PCF11: variants seen among roughly 807,000 people sequenced by gnomAD.
The protein encoded by PCF11 is pre-mRNA cleavage complex 2 protein Pcf11.
In PCF11, 19 loss-of-function variants were observed where a neutral mutation model predicts 166.1. That is an observed-to-expected ratio of 0.11 (90% CI 0.08 to 0.17). The LOEUF (loss-of-function observed/expected upper bound fraction) is 0.17, where lower values mean the gene tolerates loss of function less well. PCF11 is among the 10% of genes least tolerant of loss of function. The pLI, the probability that PCF11 is intolerant of heterozygous loss-of-function variation, is 1.00. For synonymous variants in PCF11, 663 were observed against 644.1 expected, an observed-to-expected ratio of 1.03 and a Z score of -0.44; for missense variants, 1,565 against 1,855.5, an observed-to-expected ratio of 0.84 and a Z score of 2.88.
rs559403475 is a variant in PCF11 at position 83,172,526 on chromosome 11, G to T, written c.3757+612G>T. 5.9e-5 allele frequency among the ~76,000 whole-genome samples: 9 copies of T among 152,170 alleles called. No individual in the cohort carries two copies. In the East Asian group the frequency reaches 1.7e-3, roughly 29 times the overall value. ...CAGCCTCTGCCTCCGGGGTTCAAGC[G>T]ATTCTCCTGTCTCAGCCTCCCAAGT... On this transcript the variant is annotated intron_variant, in intron 9 of 15. Coordinates refer to ENST00000298281, the Ensembl canonical transcript of PCF11.
At chr11:83,185,768 C>T (rs1196159142) in exon 16 of PCF11, 1 of 152,574 alleles carries the variant, frequency 6.6e-6, no homozygotes, top group Non-Finnish European at 1.5e-5. Context: ...AATATTCATA[C>T]ATGTAATAAA....
chr11:83,175,142 C>CT (rs1010531103), intron 9 of PCF11, among the ~76,000 whole-genome samples: 3 of 151,706 alleles, frequency 2.0e-5, no homozygotes, highest in African/African-American at 7.3e-5. Flanking sequence ...ATATTGTTTT[C>CT]TTTTTTTTGA....
exon 4 of PCF11, chr11:83,164,254 C>G: frequency 6.2e-7 from 1 of 1,613,736 alleles, no homozygotes; most frequent in Non-Finnish European, 8.5e-7. Context: ...CCCCTAGCAT[C>G]TCCACTCCTC....
chr11:83,175,272 C>T (rs1245941494), intron 9 of PCF11, among the ~76,000 whole-genome samples: 1 of 152,144 alleles, frequency 6.6e-6, no homozygotes, highest in African/African-American at 2.4e-5. Flanking sequence ...AGCTGGATTA[C>T]AGGCATGGGC....
intron 1 of PCF11, among the ~76,000 whole-genome samples, chr11:83,159,623 T>C (rs917928456): frequency 3.9e-5 from 6 of 152,230 alleles, no homozygotes; most frequent in African/African-American, 1.2e-4. Flanking sequence ...GTTTCCTGGT[T>C]ATTTTTGTAA....
At chr11:83,172,745 T>C (rs2135433537) in intron 9 of PCF11, among the ~76,000 whole-genome samples, 1 of 152,292 alleles carries the variant, frequency 6.6e-6, no homozygotes, top group Admixed American at 6.5e-5. Flanking sequence ...TATGTGGTAA[T>C]AGGGAAGTAC....
intron 1 of PCF11, chr11:83,158,411 C>G (rs1860084914): frequency 6.6e-6 from 1 of 152,188 alleles, no homozygotes; most frequent in Admixed American, 6.5e-5. Flanking sequence ...CTTGCAGTTT[C>G]TCTGAAAAGT....
intron 11 of PCF11, among the ~76,000 whole-genome samples, chr11:83,179,578 T>G (rs372074909): frequency 6.6e-6 from 1 of 152,112 alleles, no homozygotes; most frequent in African/African-American, 2.4e-5. Context: ...TTTCTTGATT[T>G]ACCACATCTG....
exon 14 of PCF11, chr11:83,182,474 A>G (rs756858396): frequency 4.0e-6 from 6 of 1,504,234 alleles, no homozygotes; most frequent in East Asian, 2.3e-5. Context: ...GAAAAATGCT[A>G]TTAGAGTAGA....
At chr11:83,169,028 C>T (rs746778670) in exon 8 of PCF11, 23 of 1,613,740 alleles carry the variant, frequency 1.4e-5, no homozygotes, top group East Asian at 4.5e-5. Flanking sequence ...CATGGTCAGC[C>T]TGTGGGTGGA....
intron 1 of PCF11, chr11:83,157,894 C>T (rs554623725): frequency 2.0e-5 from 10 of 507,370 alleles, no homozygotes; most frequent in Admixed American, 3.3e-5. Context: ...TATCCCGACA[C>T]ACACACGCTT....
rs58011200 is a variant in PCF11, at chr11:83,182,135, C to T, written c.4323+126C>T. 0.019 allele frequency: 15,596 copies of T among 835,402 alleles called. 1,729 individuals are homozygous for T. The African/African-American group carries it at 0.24, about 13-fold the overall frequency. 51.7% of individuals were successfully genotyped at this position (835,402 alleles called of 1,614,324 possible). ...ATGATTTTAAGACTTCTTGAAAGCT[C>T]TACTCTTCAATTTTACTCTTACAAT... On this transcript the variant is annotated intron_variant, in intron 13 of 15. Transcript: ENST00000298281.
rs184718287 is a variant in PCF11 at position 83,165,514 on chromosome 11, A to C, written c.703-86A>C. On this transcript the variant is annotated intron_variant, in intron 4 of 15. Coordinates refer to ENST00000298281, the Ensembl canonical transcript of PCF11. ...GTTGAGTAAATATATTTATTGAATA[A>C]AGCATTATCTTCTTCAGTTGTTTGC... 46 of 912,846 alleles carry C rather than the reference A, an allele frequency of 5.0e-5. No individual in the cohort carries two copies. The East Asian group carries it at 8.2e-4, about 16-fold the overall frequency. 56.5% of individuals were successfully genotyped at this position (912,846 alleles called of 1,614,324 possible).
intron 1 of PCF11, among the ~76,000 whole-genome samples, chr11:83,160,273 G>A (rs1860180859): frequency 1.3e-5 from 2 of 150,928 alleles, no homozygotes; most frequent in African/African-American, 4.9e-5. Flanking sequence ...GTGTTACTTA[G>A]GGTTAAGATT....
exon 8 of PCF11, chr11:83,169,067 C>T (rs1860581252): frequency 6.2e-7 from 1 of 1,613,280 alleles, no homozygotes; most frequent in African/African-American, 1.3e-5. Context: ...CGAGGTCAGC[C>T]TGTAGGTGGA....
chr11:83,161,478 C>G, intron 2 of PCF11, 26 bp downstream of exon 2: 1 of 1,482,662 alleles, frequency 6.7e-7, no homozygotes, highest in Non-Finnish European at 9.0e-7. Context: ...GAAACATTTG[C>G]GTTTTTTTTT....
exon 8 of PCF11, chr11:83,168,588 A>G (rs547113928): frequency 6.2e-7 from 1 of 1,614,010 alleles, no homozygotes; most frequent in Admixed American, 1.7e-5. Flanking sequence ...ACAGACCGTT[A>G]TTTGATGGAC....
At chr11:83,170,489 C>A (rs554946883) in intron 8 of PCF11, among the ~76,000 whole-genome samples, 106 of 152,198 alleles carry the variant, frequency 7.0e-4, no homozygotes, top group African/African-American at 2.2e-3. Context: ...CTTTTTACCA[C>A]CTTTCCAGTC....
intron 15 of PCF11, chr11:83,184,354 A>T: frequency 4.7e-6 from 1 of 212,894 alleles, no homozygotes. Flanking sequence ...TAGGGTAGTA[A>T]CAAGTCCCAG....
Sources: allele counts gnomAD v4.1 joint callset (sites outside exome capture counted in the v4.1 genomes callset), GRCh38; gene constraint gnomAD v4.1.1; transcripts MANE v1.5; gene names NCBI Gene and HGNC (gene_info 2026-07-23, HGNC 2026-07-21).